MACROD2: variants seen among roughly 807,000 people sequenced by gnomAD.
MACROD2 encodes the protein mono-ADP ribosylhydrolase 2.
A neutral mutation model predicts 70.4 loss-of-function variants in MACROD2; 36 were observed. The observed-to-expected ratio is 0.51, with a 90% confidence interval of 0.39 to 0.68. MACROD2 has a LOEUF of 0.68. MACROD2 is among the 30% of genes least tolerant of loss of function. The pLI, the probability that MACROD2 is intolerant of heterozygous loss-of-function variation, is 0.00. For missense variants in MACROD2, 496 were observed against 538.4 expected, an observed-to-expected ratio of 0.92 and a Z score of 0.78; for synonymous variants, 172 against 178.8, an observed-to-expected ratio of 0.96 and a Z score of 0.30.
intron 4 of MACROD2, among the ~76,000 whole-genome samples, chr20:14,613,695 A>G (rs1018904204): frequency 6.6e-6 from 1 of 152,096 alleles, no homozygotes; most frequent in African/African-American, 2.4e-5. Flanking sequence ...GATATCAAAG[A>G]GAGTATCCTA....
chr20:15,505,688 A>G (rs777492336), intron 8 of MACROD2, among the ~76,000 whole-genome samples: 23 of 152,094 alleles, frequency 1.5e-4, no homozygotes, highest in Non-Finnish European at 2.8e-4. Flanking sequence ...GGACAATTCA[A>G]TGGAGAAGTG....
chr20:15,076,151 G>T (rs557793996), intron 5 of MACROD2, among the ~76,000 whole-genome samples: 1 of 151,960 alleles, frequency 6.6e-6, no homozygotes, highest in African/African-American at 2.4e-5. Context: ...ATACAATTTT[G>T]TGTTCCACTT....
intron 8 of MACROD2, among the ~76,000 whole-genome samples, chr20:15,681,541 C>T (rs2050160140): frequency 6.6e-6 from 1 of 152,166 alleles, no homozygotes; most frequent in Non-Finnish European, 1.5e-5. Context: ...AGATCATTTG[C>T]ATCATCTGCA....
At chr20:16,006,234 G>A (rs2066786283) in intron 15 of MACROD2, among the ~76,000 whole-genome samples, 1 of 152,112 alleles carries the variant, frequency 6.6e-6, no homozygotes, top group Non-Finnish European at 1.5e-5. Context: ...GGATATTTAA[G>A]CTCTTACTCA....
chr20:15,937,705 G>A (rs2065686648), intron 12 of MACROD2, among the ~76,000 whole-genome samples, 161 bp downstream of exon 12: 1 of 149,106 alleles, frequency 6.7e-6, no homozygotes, highest in African/African-American at 2.5e-5. Context: ...CTCTTTTATT[G>A]CATACCTAGC....
chr20:14,923,920 A>T (rs1415924619), intron 5 of MACROD2, among the ~76,000 whole-genome samples: 11 of 152,170 alleles, frequency 7.2e-5, no homozygotes, highest in Non-Finnish European at 1.5e-5. Flanking sequence ...CTGAAAAAAG[A>T]TGATGACTGG....
At chr20:15,768,171 G>A (rs115165683) in intron 8 of MACROD2, among the ~76,000 whole-genome samples, 1,975 of 151,504 alleles carry the variant, frequency 0.013, 46 homozygotes, top group African/African-American at 0.044. Context: ...GTCGTGCATC[G>A]CTTAACAATG....
chr20:14,366,306 T>C (rs1022263661), intron 3 of MACROD2, among the ~76,000 whole-genome samples: 2 of 151,998 alleles, frequency 1.3e-5, no homozygotes, highest in Non-Finnish European at 2.9e-5. Flanking sequence ...ATATTTGTAA[T>C]TTTTTTATCT....
At chr20:15,733,100 G>C (rs534083784) in intron 8 of MACROD2, among the ~76,000 whole-genome samples, 18 of 152,180 alleles carry the variant, frequency 1.2e-4, no homozygotes, top group Non-Finnish European at 2.4e-4. Context: ...CATCTAAGTT[G>C]ATTTTCAATC....
chr20:15,027,816 C>T (rs778748285), intron 5 of MACROD2, among the ~76,000 whole-genome samples: 1 of 152,014 alleles, frequency 6.6e-6, no homozygotes, highest in Non-Finnish European at 1.5e-5. Context: ...AATACTCTAT[C>T]TAAATATCTC....
At chr20:14,817,900 G>T (rs1600694367) in intron 5 of MACROD2, among the ~76,000 whole-genome samples, 1 of 152,226 alleles carries the variant, frequency 6.6e-6, no homozygotes, top group Non-Finnish European at 1.5e-5. Context: ...AAGTTTCAGA[G>T]AAAGCACTGA....
intron 5 of MACROD2, among the ~76,000 whole-genome samples, chr20:14,707,372 A>G (rs1600568138): frequency 6.6e-6 from 1 of 152,174 alleles, no homozygotes; most frequent in African/African-American, 2.4e-5. Context: ...TTACATAAAT[A>G]TTACATCTTA....
At chr20:15,889,038 C>T (rs960274359) in intron 10 of MACROD2, among the ~76,000 whole-genome samples, 1 of 152,148 alleles carries the variant, frequency 6.6e-6, no homozygotes, top group Admixed American at 6.5e-5. Context: ...AGTGAATCAA[C>T]TGGCCAAGAC....
At chr20:15,342,621 ATTAGCTTCTG>A (rs2078122472) in intron 6 of MACROD2, among the ~76,000 whole-genome samples, 1 of 152,178 alleles carries the variant, frequency 6.6e-6, no homozygotes, top group African/African-American at 2.4e-5. Flanking sequence ...AAGGTCTTTT[ATTAGCTTCTG>A]TTAGATTACG....
intron 4 of MACROD2, among the ~76,000 whole-genome samples, chr20:14,609,891 A>C (rs1298787412): frequency 2.6e-5 from 4 of 152,184 alleles, no homozygotes; most frequent in Non-Finnish European, 4.4e-5. Context: ...TTCATACACG[A>C]AATTAACCAG....
intron 3 of MACROD2, among the ~76,000 whole-genome samples, chr20:14,217,137 G>C (rs1181036046): frequency 1.3e-5 from 2 of 152,156 alleles, no homozygotes; most frequent in Non-Finnish European, 2.9e-5. Flanking sequence ...TTTGTTGGCT[G>C]TGGGTTTGTC....
At chr20:15,909,514 ATTTTTTTT>A (rs10617621) in intron 10 of MACROD2, among the ~76,000 whole-genome samples, 4 of 70,870 alleles carry the variant, frequency 5.6e-5, no homozygotes, top group South Asian at 1.6e-3. Flanking sequence ...ACATAATACA[ATTTTTTTT>A]TTTTTTTTTT....
At chr20:15,185,866 T>C (rs1601192621) in intron 5 of MACROD2, among the ~76,000 whole-genome samples, 1 of 152,104 alleles carries the variant, frequency 6.6e-6, no homozygotes, top group Non-Finnish European at 1.5e-5. Flanking sequence ...AGTTTCAAAG[T>C]GGATATTCAA....
At chr20:14,762,766 C>T (rs1015960720) in intron 5 of MACROD2, among the ~76,000 whole-genome samples, 2 of 151,910 alleles carry the variant, frequency 1.3e-5, no homozygotes, top group Admixed American at 6.6e-5. Flanking sequence ...TCTGTCTCTA[C>T]TGAAAATGCA....
Sources: gnomAD v4.1 joint callset for allele counts (sites outside exome capture counted in the v4.1 genomes callset) on GRCh38, gnomAD v4.1.1 for gene constraint, MANE v1.5 for transcripts, NCBI Gene and HGNC (gene_info 2026-07-23, HGNC 2026-07-21) for gene names.